The following FGF9 variants were observed in gnomAD, a reference collection of about 807,000 sequenced individuals.
FGF9 encodes the protein fibroblast growth factor 9 (glia-activating factor).
Under a neutral mutation model 19.9 loss-of-function variants are expected in FGF9, and 3 were observed. That is an observed-to-expected ratio of 0.15 (90% CI 0.07 to 0.39). The LOEUF (loss-of-function observed/expected upper bound fraction) is 0.39. Ranked by LOEUF, FGF9 falls within the 10% of genes least tolerant of loss-of-function variation. FGF9 has a pLI of 1.00. For synonymous variants in FGF9, 107 were observed against 106.9 expected (o/e 1.00, Z -0.01); for missense variants, 175 against 256.8 (o/e 0.68, Z 2.18).
At chr13:21,682,515 A>G (rs1032708569) in intron 2 of FGF9, among the ~76,000 whole-genome samples, 6 of 152,160 alleles carry the variant, frequency 3.9e-5, no homozygotes, top group African/African-American at 1.4e-4. Context: ...AAATGCTAAA[A>G]TGTATTTGTA....
rs61706549 is a variant in FGF9 at position 21,701,709 on chromosome 13, A to ATGTGTGTGTGTGTGTGTGTG, written c.*286_*305dup. The stretch of plus-strand genomic sequence containing the variant: ...GAGACTGAGCGCTAGGAGTGTGTGT[A>ATGTGTGTGTGTGTGTGTGTG]TGTGTGTGTGTGTGTGTGTGTGTGT... On this transcript the variant is annotated 3_prime_UTR_variant, in exon 3 of 3. Transcript: ENST00000382353. 15 of 357,826 alleles carry ATGTGTGTGTGTGTGTGTGTG rather than the reference A, an allele frequency of 4.2e-5. No individual in the cohort carries two copies. Among genetic ancestry groups the ATGTGTGTGTGTGTGTGTGTG allele is most frequent in the African/African-American group, 3.3e-4 (15 of 45,118 alleles). 22.2% of individuals were successfully genotyped at this position (357,826 alleles called of 1,614,324 possible).
chr13:21,693,889 C>A (rs558817091), intron 2 of FGF9, among the ~76,000 whole-genome samples: 4 of 152,324 alleles, frequency 2.6e-5, no homozygotes, highest in African/African-American at 9.6e-5. Flanking sequence ...GTTTTCCATC[C>A]TCTGCCCCTC....
chr13:21,688,766 T>C (rs978129182), intron 2 of FGF9, among the ~76,000 whole-genome samples: 10 of 152,138 alleles, frequency 6.6e-5, no homozygotes, highest in African/African-American at 2.4e-4. Context: ...TTTTTTTTTT[T>C]TTCCAGTAGC....
chr13:21,676,837 G>A (rs1227196092), intron 1 of FGF9, among the ~76,000 whole-genome samples: 2 of 152,188 alleles, frequency 1.3e-5, no homozygotes, highest in African/African-American at 4.8e-5. Flanking sequence ...TGCCTTGCCT[G>A]GCCTTGGAGG....
chr13:21,695,744 A>T (rs1022633439), intron 2 of FGF9, among the ~76,000 whole-genome samples: 7 of 152,228 alleles, frequency 4.6e-5, no homozygotes, highest in Non-Finnish European at 7.3e-5. Flanking sequence ...TCATGACTGT[A>T]ATAAACAGTA....
Position 21,671,223 on chromosome 13 carries a change from G to A in FGF9, c.-690G>A, listed in dbSNP as rs1277179671. Among the ~76,000 whole-genome samples the A allele has an allele frequency of 6.6e-6, 1 of 152,252 alleles. No individual in the cohort carries two copies. The highest frequency in any genetic ancestry group is 1.5e-5 in the Non-Finnish European group (1 of 68,032). ...TCTCCTCGCTCGCCGCTCGCCACCCGTTCTAAGCCAATGGACATCTGCCGA... is the reference window on the plus strand; with the variant it reads ...TCTCCTCGCTCGCCGCTCGCCACCCATTCTAAGCCAATGGACATCTGCCGA... On this transcript the variant is annotated 5_prime_UTR_variant, in exon 1 of 3. Coordinates refer to ENST00000382353, the MANE Select transcript of FGF9 (RefSeq NM_002010.3).
chr13:21,680,895 A>G (rs925142451), intron 1 of FGF9, 147 bp from the exon 2 acceptor site: 1 of 611,244 alleles, frequency 1.6e-6, no homozygotes, highest in African/African-American at 1.8e-5. Context: ...AGTGATTTTC[A>G]AAGAGAAGAC....
rs1872600122 is a variant in FGF9, at chr13:21,703,952, G to A, written c.*2517G>A. 6.6e-6 allele frequency: 1 copy of A among 151,654 alleles called. No individual in the cohort carries two copies. The highest frequency in any genetic ancestry group is 1.5e-5 in the Non-Finnish European group (1 of 67,976). 9.4% of individuals were successfully genotyped at this position (151,654 alleles called of 1,614,324 possible). On this transcript the variant is annotated 3_prime_UTR_variant, in exon 3 of 3. Transcript: ENST00000382353. Reference sequence around the variant, plus strand: ...GCAATTGATACAATAAACTGTAATGGTCTGTAAATAAATAAATATTGACTC... The same window carrying A: ...GCAATTGATACAATAAACTGTAATGATCTGTAAATAAATAAATATTGACTC...
At chr13:21,687,826 T>G (rs1354385080) in intron 2 of FGF9, among the ~76,000 whole-genome samples, 1 of 152,232 alleles carries the variant, frequency 6.6e-6, no homozygotes, top group Non-Finnish European at 1.5e-5. Context: ...CAGTCCATTC[T>G]TGGGGGACAG....
chr13:21,686,763 T>C (rs1872168266), intron 2 of FGF9, among the ~76,000 whole-genome samples: 1 of 152,228 alleles, frequency 6.6e-6, no homozygotes, highest in Non-Finnish European at 1.5e-5. Context: ...ATTCACTCCG[T>C]CATGAACACG....
chr13:21,676,569 C>T (rs558231548), intron 1 of FGF9, among the ~76,000 whole-genome samples: 3 of 152,154 alleles, frequency 2.0e-5, no homozygotes, highest in African/African-American at 7.2e-5. Context: ...GCTACAGATC[C>T]GAACTTACCC....
chr13:21,703,856 T>C lies in FGF9; in HGVS notation c.*2421T>C, dbSNP rs527937855. On this transcript the variant is annotated 3_prime_UTR_variant, in exon 3 of 3. Coordinates refer to ENST00000382353, the MANE Select transcript of FGF9 (RefSeq NM_002010.3). Reference sequence around the variant, plus strand: ...ATTCCTATAAAACGCTACTTTAAGGTCTACTTTTGGAGTTAATTTTGTTTG... The same window carrying C: ...ATTCCTATAAAACGCTACTTTAAGGCCTACTTTTGGAGTTAATTTTGTTTG... The C allele has an allele frequency of 6.6e-6, 1 of 152,004 alleles. No homozygotes were observed. The highest frequency in any genetic ancestry group is 1.5e-5 in the Non-Finnish European group (1 of 67,976). The allele number at this position is 152,004 out of a possible 1,614,324, so 9.4% of individuals were successfully genotyped here. A position where few individuals can be genotyped will look rare whatever the true frequency, so the allele number is the denominator to read the frequency against.
chr13:21,682,018 T>A (rs1041065303), intron 2 of FGF9, among the ~76,000 whole-genome samples: 17 of 151,618 alleles, frequency 1.1e-4, no homozygotes, highest in African/African-American at 4.1e-4. Flanking sequence ...TTCTTTCTTT[T>A]TTTTTTTTTT....
rs750904852 is a variant in FGF9 at position 21,701,390 on chromosome 13, C to G, written c.582C>G (p.Pro194=). Residue 194 remains proline (P), a synonymous_variant, in exon 3 of 3, where the codon CCC becomes CCG. Transcript: ENST00000382353. ...ATTTTTTACCTAGACCAGTGGACCC[C>G]GACAAAGTACCTGAACTGTATAAGG... ...FTHFLPRPVD[P]DKVPELYKDI... 15 of 1,613,638 alleles carry G rather than the reference C, an allele frequency of 9.3e-6. No individual in the cohort carries two copies. The East Asian group carries it at 1.6e-4, about 17-fold the overall frequency.
chr13:21,680,076 T>C (rs1872007628), intron 1 of FGF9, among the ~76,000 whole-genome samples: 1 of 152,128 alleles, frequency 6.6e-6, no homozygotes, highest in African/African-American at 2.4e-5. Flanking sequence ...AAATTCTGGA[T>C]TTATGCCCAG....
chr13:21,688,535 T>C (rs1004624600), intron 2 of FGF9, among the ~76,000 whole-genome samples: 1 of 152,234 alleles, frequency 6.6e-6, no homozygotes, highest in African/African-American at 2.4e-5. Context: ...AGTGGCTTAG[T>C]GACTTGTTGA....
In FGF9 at chr13:21,671,553, A is replaced by C; in HGVS notation, c.-360A>C. On this transcript the variant is annotated 5_prime_UTR_variant, in exon 1 of 3. Transcript: ENST00000382353. ...GCTATGGTCATTCTGATCTCAAACC[A>C]AATGGAGAAACTACGGATTTTTTTT... is the stretch of plus-strand genomic sequence containing the variant. The C allele has an allele frequency of 1.9e-6, 1 of 514,612 alleles. No homozygotes were observed. Among genetic ancestry groups the C allele is most frequent in the South Asian group, 3.5e-5 (1 of 28,412 alleles). The allele number at this position is 514,612 out of a possible 1,614,324, so 31.9% of individuals were successfully genotyped here.
Position 21,671,143 on chromosome 13 carries a change from C to A in FGF9, c.-770C>A, listed in dbSNP as rs1871753631. On this transcript the variant is annotated 5_prime_UTR_variant, in exon 1 of 3. Transcript: ENST00000382353. ...CCGGCTACAACGCTCCGCGAGCCGG[C>A]GCGGCAACACCTGTTCGCGGCAGCC... is the stretch of plus-strand genomic sequence containing the variant. Among the ~76,000 whole-genome samples, 1 of 152,190 alleles carries A rather than the reference C, an allele frequency of 6.6e-6. No individual in the cohort carries two copies. Among genetic ancestry groups the A allele is most frequent in the African/African-American group, 2.4e-5 (1 of 41,454 alleles).
intron 2 of FGF9, among the ~76,000 whole-genome samples, chr13:21,698,470 A>G (rs73158488): frequency 1.7e-3 from 263 of 152,282 alleles, no homozygotes; most frequent in Middle Eastern, 0.014. Flanking sequence ...ACTTATTACT[A>G]ACCTGTTGTA....
Sources: allele counts gnomAD v4.1 joint callset (sites outside exome capture counted in the v4.1 genomes callset), GRCh38; gene constraint gnomAD v4.1.1; transcripts MANE v1.5; gene names NCBI Gene and HGNC (gene_info 2026-07-23, HGNC 2026-07-21).